PMM2: variants seen among roughly 807,000 people sequenced by gnomAD.
The protein encoded by PMM2 is mannose-6-phosphate isomerase.
In PMM2, 35 loss-of-function variants were observed where a neutral mutation model predicts 33.2. The observed-to-expected ratio is 1.06, with a 90% CI of 0.81 to 1.40. PMM2 has a LOEUF of 1.40. Among genes scored for constraint, PMM2 ranks in the 40% most tolerant of loss-of-function variants. The pLI, the probability that PMM2 is intolerant of heterozygous loss-of-function variation, is 0.00. For missense variants in PMM2, 386 were observed against 306.0 expected (o/e 1.26, Z -1.95); for synonymous variants, 153 against 114.7 (o/e 1.33, Z -2.13).
intron 3 of PMM2, among the ~76,000 whole-genome samples, chr16:8,805,759 T>A (rs1293683585): frequency 6.6e-6 from 1 of 152,044 alleles, no homozygotes; most frequent in East Asian, 1.9e-4. Context: ...CCGGCTCATT[T>A]TTGTATTTTT....
chr16:8,799,787 C>A (rs1475340409), intron 1 of PMM2, among the ~76,000 whole-genome samples: 1 of 152,022 alleles, frequency 6.6e-6, no homozygotes, highest in Non-Finnish European at 1.5e-5. Flanking sequence ...ACCTCGTGAT[C>A]CACCCGCCTC....
At chr16:8,837,466 G>GA (rs1195479436) in intron 7 of PMM2, among the ~76,000 whole-genome samples, 1 of 151,734 alleles carries the variant, frequency 6.6e-6, no homozygotes, top group Non-Finnish European at 1.5e-5. Context: ...ATGGAAGGTG[G>GA]AAGCTTGCCC....
chr16:8,803,317 A>G (rs117376510), intron 2 of PMM2, among the ~76,000 whole-genome samples: 4,765 of 152,274 alleles, frequency 0.031, 91 homozygotes, highest in Middle Eastern at 0.051. Context: ...TAAACCGCAT[A>G]CTGGGGATCA....
chr16:8,832,627 G>A (rs2060817382), intron 7 of PMM2: 2 of 985,286 alleles, frequency 2.0e-6, no homozygotes. Context: ...ACCCTGGCCG[G>A]CTGCAGGAGC....
chr16:8,820,346 T>C (rs2060731019), intron 7 of PMM2, among the ~76,000 whole-genome samples: 1 of 142,554 alleles, frequency 7.0e-6, no homozygotes, highest in African/African-American at 2.8e-5. Context: ...GAGGACACAG[T>C]TCTTCTTTTT....
intron 7 of PMM2, among the ~76,000 whole-genome samples, chr16:8,831,554 G>T (rs1029509723): frequency 6.6e-6 from 1 of 152,048 alleles, no homozygotes; most frequent in Non-Finnish European, 1.5e-5. Context: ...TAAGAGTCCC[G>T]ACCACGAGCT....
intron 7 of PMM2, among the ~76,000 whole-genome samples, chr16:8,833,711 G>A (rs1389361495): frequency 6.6e-6 from 1 of 151,406 alleles, no homozygotes; most frequent in African/African-American, 2.4e-5. Context: ...ATTGGTGATG[G>A]CCTGGATACG....
intron 7 of PMM2, among the ~76,000 whole-genome samples, chr16:8,837,901 G>A (rs566119827): frequency 3.9e-5 from 6 of 152,202 alleles, no homozygotes; most frequent in African/African-American, 1.4e-4. Flanking sequence ...TGAGTCCACA[G>A]ATAAAATGTG....
At chr16:8,832,103 G>C (rs905229203) in intron 7 of PMM2, 10 of 980,342 alleles carry the variant, frequency 1.0e-5, no homozygotes, top group Non-Finnish European at 1.2e-5. Flanking sequence ...TTTGGGGTCC[G>C]CTTCACTTGC....
At chr16:8,840,420 A>T (rs1234587483) in intron 7 of PMM2, among the ~76,000 whole-genome samples, 1 of 151,944 alleles carries the variant, frequency 6.6e-6, no homozygotes, top group Non-Finnish European at 1.5e-5. Context: ...AGAGTAGGGC[A>T]TTTATAAGTA....
chr16:8,811,004 T>G (rs2060674044), intron 4 of PMM2, 75 bp from the exon 5 acceptor site: 1 of 813,272 alleles, frequency 1.2e-6, no homozygotes, highest in Non-Finnish European at 2.0e-6. Flanking sequence ...TTTCCCAAGA[T>G]TTTAGGCTGT....
rs1369280565 is a variant in PMM2 at position 8,804,027 on chromosome 16, TTTTG to T, written c.179-736_179-733del. Among the ~76,000 whole-genome samples, 241 of 100,468 alleles carry T rather than the reference TTTTG, an allele frequency of 2.4e-3. 7 individuals are homozygous for T. The highest frequency in any genetic ancestry group is 0.011 in the African/African-American group (232 of 21,384). 65.9% of individuals were successfully genotyped at this position (100,468 alleles called of 152,430 possible). ...CTTTGTTTTTTGTTTTTTGGGTTTT[TTTTG>T]TTTTTTTTTTTTTTTTTTTTGACGT... On this transcript the variant is annotated intron_variant, in intron 2 of 7. Transcript: ENST00000268261.
intron 2 of PMM2, among the ~76,000 whole-genome samples, chr16:8,804,045 T>G (rs202242351): frequency 0.064 from 6,638 of 104,004 alleles, 239 homozygotes; most frequent in Middle Eastern, 0.16. Context: ...TTTTTTTTTT[T>G]TTTTTTGACG....
chr16:8,832,660 G>A, intron 7 of PMM2: 1 of 985,360 alleles, frequency 1.0e-6, no homozygotes. Flanking sequence ...CCCTTCAATT[G>A]CGTCCTCACC....
At chr16:8,824,965 AT>A (rs1234782998) in intron 7 of PMM2, among the ~76,000 whole-genome samples, 4 of 152,230 alleles carry the variant, frequency 2.6e-5, no homozygotes, top group African/African-American at 9.6e-5. Context: ...TTACATAAAA[AT>A]ATTCTTCAAA....
intron 1 of PMM2, among the ~76,000 whole-genome samples, chr16:8,800,645 A>C (rs1409689853): frequency 6.6e-6 from 1 of 151,048 alleles, no homozygotes; most frequent in Non-Finnish European, 1.5e-5. Context: ...GATTGCAATA[A>C]AATCAATTCT....
chr16:8,843,155 G>A (rs76948321), intron 7 of PMM2, among the ~76,000 whole-genome samples: 22,586 of 152,088 alleles, frequency 0.15, 1,731 homozygotes, highest in East Asian at 0.24. Flanking sequence ...AGTTTTAAGA[G>A]GTTTAGAAGC....
At chr16:8,819,824 G>A (rs1211082117) in intron 7 of PMM2, among the ~76,000 whole-genome samples, 2 of 152,128 alleles carry the variant, frequency 1.3e-5, no homozygotes, top group African/African-American at 4.8e-5. Context: ...TGCTCCCAGG[G>A]GAGACAGCAG....
intron 7 of PMM2, among the ~76,000 whole-genome samples, chr16:8,828,354 A>G (rs532826351): frequency 1.3e-5 from 2 of 152,250 alleles, no homozygotes; most frequent in African/African-American, 2.4e-5. Context: ...AAACTTACAT[A>G]AATAACAAAC....
Sources: allele counts gnomAD v4.1 joint callset (sites outside exome capture counted in the v4.1 genomes callset), GRCh38; gene constraint gnomAD v4.1.1; transcripts MANE v1.5; gene names NCBI Gene and HGNC (gene_info 2026-07-23, HGNC 2026-07-21).